The following ZC3H4 variants were observed in gnomAD, a reference collection of about 807,000 sequenced individuals.
ZC3H4 encodes zinc finger CCCH-type containing 4.
In ZC3H4, 13 loss-of-function variants were observed where a neutral mutation model predicts 108.3. That is an observed-to-expected ratio of 0.12 (90% CI 0.08 to 0.19). The LOEUF (loss-of-function observed/expected upper bound fraction) is 0.19, where lower values mean the gene tolerates loss of function less well. ZC3H4 is among the 10% of genes least tolerant of loss of function. The probability of loss-of-function intolerance (pLI) is 1.00; values close to 1 mark genes in which losing one functional copy is unlikely to be tolerated. For synonymous variants in ZC3H4, 917 were observed against 749.6 expected, an observed-to-expected ratio of 1.22 and a Z score of -3.65; for missense variants, 1,734 against 1,838.8, an observed-to-expected ratio of 0.94 and a Z score of 1.04.
intron 2 of ZC3H4, 57 bp from the exon 3 acceptor site, chr19:47,094,665 G>A (rs2057792890): frequency 6.3e-7 from 1 of 1,579,816 alleles, no homozygotes; most frequent in East Asian, 2.2e-5. Context: ...GACCTCCTAG[G>A]GCTCTGGGCT....
At chr19:47,083,322 A>AAAG (rs1555781059) in intron 9 of ZC3H4, among the ~76,000 whole-genome samples, 10 of 148,766 alleles carry the variant, frequency 6.7e-5, no homozygotes, top group African/African-American at 2.2e-4. Context: ...AAAAAAAAAA[A>AAAG]AGAGAGAGAG....
chr19:47,092,070 C>A (rs1235284767), intron 4 of ZC3H4, among the ~76,000 whole-genome samples: 1 of 151,576 alleles, frequency 6.6e-6, no homozygotes, highest in East Asian at 1.9e-4. Flanking sequence ...TTAGCCTTGG[C>A]GTTATGGCCC....
At chr19:47,103,868 C>T (rs1008028857) in intron 2 of ZC3H4, among the ~76,000 whole-genome samples, 2 of 151,786 alleles carry the variant, frequency 1.3e-5, no homozygotes, top group Non-Finnish European at 2.9e-5. Context: ...GGCATGAACC[C>T]GGGAGGCAGA....
At chr19:47,079,132 C>A (rs1233323942) in intron 11 of ZC3H4, among the ~76,000 whole-genome samples, 1 of 150,498 alleles carries the variant, frequency 6.6e-6, no homozygotes, top group South Asian at 2.1e-4. Flanking sequence ...CGGGTTCAAG[C>A]GATTCTCCTG....
At chr19:47,090,358 G>A (rs2057710448) in intron 4 of ZC3H4, among the ~76,000 whole-genome samples, 169 bp from the exon 5 acceptor site, 1 of 152,168 alleles carries the variant, frequency 6.6e-6, no homozygotes, top group Admixed American at 6.5e-5. Flanking sequence ...CTCGTACCAG[G>A]GAGTGGGAGT....
At chr19:47,107,548 C>A (rs2057982661) in intron 2 of ZC3H4, among the ~76,000 whole-genome samples, 1 of 151,820 alleles carries the variant, frequency 6.6e-6, no homozygotes, top group East Asian at 1.9e-4. Context: ...CACCTATTCA[C>A]ACAGATGCGA....
Position 47,082,265 on chromosome 19 carries a change from C to T in ZC3H4, c.1249G>A (p.Glu417Lys), listed in dbSNP as rs368145992. 9 of 1,613,834 alleles carry T rather than the reference C, an allele frequency of 5.6e-6. No homozygotes were observed. Among genetic ancestry groups the T allele is most frequent in the African/African-American group, 2.7e-5 (2 of 74,886 alleles). The change falls in exon 10 of 15, where the codon GAA becomes AAA. Residue 417 changes from glutamate to lysine, a missense_variant. Around this residue, in one of 9 missense-constraint regions of ZC3H4, gnomAD observed 66 missense variants for 166.8 expected, o/e 0.40. Coordinates refer to ENST00000253048, the MANE Select transcript of ZC3H4 (RefSeq NM_015168.2). ...GDHCNFSHDI[E>K]LPKKRELCKF... ...CACAGTTCTCGCTTCTTTGGGAGTT[C>T]GATGTCATGGCTAAAATTACAGTGG...
intron 2 of ZC3H4, among the ~76,000 whole-genome samples, chr19:47,098,845 T>A (rs1177983590): frequency 2.6e-5 from 4 of 152,206 alleles, no homozygotes; most frequent in Non-Finnish European, 5.9e-5. Context: ...TACTGCCTCA[T>A]CCAGCAGCCT....
At chr19:47,082,122 C>G in intron 10 of ZC3H4, 62 bp downstream of exon 10, 1 of 1,339,376 alleles carries the variant, frequency 7.5e-7, no homozygotes. Context: ...GTTACTACCA[C>G]CATCAAGGAG....
intron 11 of ZC3H4, among the ~76,000 whole-genome samples, chr19:47,075,525 G>A (rs2057404343): frequency 6.6e-6 from 1 of 151,910 alleles, no homozygotes; most frequent in South Asian, 2.1e-4. Flanking sequence ...AAAGCCTCTT[G>A]AATGTCTGCC....
At chr19:47,087,750 T>G (rs1293461120) in intron 5 of ZC3H4, among the ~76,000 whole-genome samples, 3 of 152,106 alleles carry the variant, frequency 2.0e-5, no homozygotes, top group Non-Finnish European at 4.4e-5. Context: ...GGTGCAGGCC[T>G]GTAATCCCAG....
chr19:47,076,287 A>G (rs1190797794), intron 11 of ZC3H4, among the ~76,000 whole-genome samples: 2 of 151,964 alleles, frequency 1.3e-5, no homozygotes, highest in Non-Finnish European at 2.9e-5. Flanking sequence ...GCCAAGTGCA[A>G]GAAGCCAGAC....
chr19:47,108,255 T>C (rs1034417500), intron 2 of ZC3H4, among the ~76,000 whole-genome samples: 18 of 152,200 alleles, frequency 1.2e-4, no homozygotes, highest in African/African-American at 4.1e-4. Flanking sequence ...TCGGACCCAG[T>C]TGCTCTGGCA....
At chr19:47,080,040 C>A (rs1407171172) in intron 11 of ZC3H4, among the ~76,000 whole-genome samples, 1 of 152,162 alleles carries the variant, frequency 6.6e-6, no homozygotes, top group Non-Finnish European at 1.5e-5. Flanking sequence ...GCCCCTGCCA[C>A]CAGTTAACAA....
chr19:47,085,470 G>T, intron 6 of ZC3H4, 56 bp from the exon 7 acceptor site: 1 of 1,428,740 alleles, frequency 7.0e-7, no homozygotes, highest in Non-Finnish European at 9.5e-7. Flanking sequence ...AATGAACACT[G>T]TCCCCACCTA....
In ZC3H4 at chr19:47,067,425, G is replaced by A. The variant is rs769059861; in HGVS notation, c.2843C>T (p.Pro948Leu). The change falls in exon 15 of 15, where the codon CCT becomes CTT. Residue 948 changes from proline (P) to leucine (L), a missense_variant. Physicochemically the swap from Pro to Leu is moderately conservative, Grantham distance 98 (BLOSUM62 -3). Around this residue, in one of 9 missense-constraint regions of ZC3H4, gnomAD observed 540 missense variants for 484.1 expected, o/e 1.12. Coordinates refer to ENST00000253048, the MANE Select transcript of ZC3H4 (RefSeq NM_015168.2). The surrounding 1 kb of genome is among the most constrained non-coding windows in gnomAD (Gnocchi z 6.4). ...NIPLDPLPGH[P>L]LRDPRSQLQQ... ...CAGCTGTGACCGTGGGTCCCGCAGA[G>A]GGTGCCCGGGGAGTGGGTCCAGGGG... is the stretch of plus-strand genomic sequence containing the variant. 6.2e-7 allele frequency: 1 copy of A among 1,604,938 alleles called. No homozygotes were observed. Among genetic ancestry groups the A allele is most frequent in the Non-Finnish European group, 8.5e-7 (1 of 1,174,972 alleles).
At chr19:47,106,103 C>T (rs2057964980) in intron 2 of ZC3H4, among the ~76,000 whole-genome samples, 1 of 152,206 alleles carries the variant, frequency 6.6e-6, no homozygotes, top group South Asian at 2.1e-4. Context: ...CAGAAGGGCT[C>T]TGGCAGATAA....
rs1361177915 is a variant in ZC3H4, at chr19:47,094,511, C to T, written c.259G>A (p.Gly87Arg). 1 of 1,614,110 alleles carries T rather than the reference C, an allele frequency of 6.2e-7. No individual in the cohort carries two copies. Among genetic ancestry groups the T allele is most frequent in the Non-Finnish European group, 8.5e-7 (1 of 1,180,054 alleles). The change falls in exon 3 of 15, where the codon GGG (glycine) becomes AGG (arginine). Residue 87 changes from glycine (G) to arginine (R), a missense_variant. Gly to Arg is a moderately radical substitution (Grantham distance 125, BLOSUM62 -2). Around this residue, in one of 9 missense-constraint regions of ZC3H4, gnomAD observed 403 missense variants for 457.0 expected, o/e 0.88. Transcript: ENST00000253048. ...GGPERSRKEK[G>R]EKHHSDSDEE... Reference sequence around the variant, plus strand: ...TCCGAATCACTGTGATGCTTCTCCCCCTTTTCTTTCCGGCTTCTCTCAGGC... The same window carrying T: ...TCCGAATCACTGTGATGCTTCTCCCTCTTTTCTTTCCGGCTTCTCTCAGGC...
chr19:47,089,760 C>T (rs998428884), intron 5 of ZC3H4, among the ~76,000 whole-genome samples: 1 of 152,222 alleles, frequency 6.6e-6, no homozygotes, highest in Non-Finnish European at 1.5e-5. Flanking sequence ...TTCTCCCTGC[C>T]TCACACCAGC....
Sources: gnomAD v4.1 joint callset for allele counts (sites outside exome capture counted in the v4.1 genomes callset) on GRCh38, gnomAD v4.1.1 for gene constraint, gnomAD v4.1.1 regional missense constraint, Gnocchi (gnomAD v3.1) non-coding constraint, MANE v1.5 for transcripts, NCBI Gene and HGNC (gene_info 2026-07-23, HGNC 2026-07-21) for gene names.